DAAM2: variants seen among roughly 807,000 people sequenced by gnomAD.
DAAM2 encodes dishevelled associated activator of morphogenesis 2.
In DAAM2, 39 loss-of-function variants were observed where a neutral mutation model predicts 120.7. That is an observed-to-expected ratio of 0.32 (90% confidence interval 0.25 to 0.42). The LOEUF (loss-of-function observed/expected upper bound fraction) is 0.42, where lower values mean the gene tolerates loss of function less well. Among genes scored for constraint, DAAM2 ranks in the 10% least tolerant of loss-of-function variants. The pLI is 1.00. For missense variants in DAAM2, 1,283 were observed against 1,401.7 expected (o/e 0.92, Z 1.35); for synonymous variants, 488 against 524.9 (o/e 0.93, Z 0.96).
intron 1 of DAAM2, chr6:39,848,483 C>T (rs1763681887): frequency 6.6e-6 from 1 of 152,116 alleles, no homozygotes; most frequent in South Asian, 2.1e-4. Context: ...CTCCCACCCT[C>T]ACCCCCAAGT....
chr6:39,830,606 G>A (rs983470837), intron 1 of DAAM2, among the ~76,000 whole-genome samples: 5 of 152,186 alleles, frequency 3.3e-5, no homozygotes, highest in Non-Finnish European at 5.9e-5. Context: ...TAGCTGGGAA[G>A]CAAGTCCAGG....
At chr6:39,840,035 T>G (rs773377579) in intron 1 of DAAM2, among the ~76,000 whole-genome samples, 8 of 152,184 alleles carry the variant, frequency 5.3e-5, no homozygotes, top group Non-Finnish European at 1.2e-4. Flanking sequence ...GATACCAGCC[T>G]GGGCAACATG....
chr6:39,865,303 C>T (rs1221470501), intron 5 of DAAM2, among the ~76,000 whole-genome samples: 1 of 152,206 alleles, frequency 6.6e-6, no homozygotes, highest in African/African-American at 2.4e-5. Flanking sequence ...CTGAGGAGCT[C>T]TCTAAAGAGG....
intron 1 of DAAM2, among the ~76,000 whole-genome samples, chr6:39,849,918 A>C (rs563785274): frequency 4.7e-4 from 71 of 152,256 alleles, no homozygotes; most frequent in African/African-American, 1.5e-3. Flanking sequence ...TCCCAGCAGC[A>C]CGTGGCACGT....
intron 1 of DAAM2, among the ~76,000 whole-genome samples, chr6:39,833,997 G>A (rs1763012656): frequency 6.6e-6 from 1 of 152,186 alleles, no homozygotes; most frequent in African/African-American, 2.4e-5. Flanking sequence ...AAGTCTTGCA[G>A]CTTGTTAGTG....
intron 1 of DAAM2, among the ~76,000 whole-genome samples, chr6:39,844,546 G>T (rs759056016): frequency 6.6e-6 from 1 of 152,132 alleles, no homozygotes; most frequent in African/African-American, 2.4e-5. Flanking sequence ...TAAATGAGAT[G>T]CATGTGTGGA....
rs1200636963 is a variant in DAAM2, at chr6:39,904,484, A to AGAT, written c.*2448_*2450dup. The AGAT allele has an allele frequency of 8.8e-6, 4 of 454,450 alleles. No individual in the cohort carries two copies. In the Admixed American group the frequency reaches 9.4e-5, roughly 11 times the overall value. 28.2% of individuals were successfully genotyped at this position (454,450 alleles called of 1,614,324 possible). On this transcript the variant is annotated 3_prime_UTR_variant, in exon 25 of 25. Coordinates refer to ENST00000274867, the MANE Select transcript of DAAM2 (RefSeq NM_001201427.2). Reference sequence around the variant, plus strand: ...CCTCCCCACTGCTCCTGCCACCTTTAGATAAGTTTCTCTAGCTAATTTTGT... The same window carrying AGAT: ...CCTCCCCACTGCTCCTGCCACCTTTAGATGATAAGTTTCTCTAGCTAATTTTGT...
rs948620122 is a variant in DAAM2, at chr6:39,873,321, G to A, written c.1128G>A (p.Leu376=). ...AGTACACGGAGGCCTACCCCTGCCT[G>A]CTCTCTGTGCTGCACCACTGCCTGC... The part of the protein sequence containing the change: ...KLKYTEAYPC[L]LSVLHHCLQM... The change falls in exon 10 of 25, where the codon CTG becomes CTA. Residue 376 remains leucine (L), a synonymous_variant. Transcript: ENST00000274867. The A allele has an allele frequency of 3.7e-6, 6 of 1,613,306 alleles. No individual in the cohort carries two copies. Among genetic ancestry groups the A allele is most frequent in the Non-Finnish European group, 5.1e-6 (6 of 1,179,512 alleles).
In DAAM2 at chr6:39,856,288, T is replaced by A; in HGVS notation, c.-15T>A. 1 of 1,489,976 alleles carries A rather than the reference T, an allele frequency of 6.7e-7. No individual in the cohort carries two copies. Among genetic ancestry groups the A allele is most frequent in the Non-Finnish European group, 8.9e-7 (1 of 1,119,238 alleles). The allele number at this position is 1,489,976 out of a possible 1,614,324, so 92.3% of individuals were successfully genotyped here. A position where few individuals can be genotyped will look rare whatever the true frequency, so the allele number is the denominator to read the frequency against. ...AGGGCATCTGTCTGCTGACGCCCCC[T>A]GGCCTGCAGTGACCATGGCCCCCCG... On this transcript the variant is annotated 5_prime_UTR_variant, in exon 2 of 25. Transcript: ENST00000274867.
intron 1 of DAAM2, among the ~76,000 whole-genome samples, chr6:39,842,400 G>A (rs775498846): frequency 2.6e-5 from 4 of 152,186 alleles, no homozygotes; most frequent in Non-Finnish European, 5.9e-5. Flanking sequence ...GGGAGGCCAA[G>A]GCAGGAAGAT....
chr6:39,876,706 G>GGTGTGTGT (rs373953758), intron 11 of DAAM2, among the ~76,000 whole-genome samples: 1 of 149,474 alleles, frequency 6.7e-6, no homozygotes, highest in Non-Finnish European at 1.5e-5. Flanking sequence ...GAATGGGAAG[G>GGTGTGTGT]GTGTGTGTGT....
rs1469735154 is a variant in DAAM2 at position 39,878,852 on chromosome 6, CT to C, written c.1545+265del. ...TGCAGCTGGAATTGGATCCACTTCC[CT>C]CTCTCAGCTGGAGATCTTGTGCAGT... On this transcript the variant is annotated intron_variant, in intron 13 of 24. Transcript: ENST00000274867. This position sits in a 1 kb window ranked among gnomAD's most constrained non-coding sequence, Gnocchi z 5.0. Among the ~76,000 whole-genome samples the C allele has an allele frequency of 6.6e-6, 1 of 152,202 alleles. No homozygotes were observed. Among genetic ancestry groups the C allele is most frequent in the Admixed American group, 6.5e-5 (1 of 15,280 alleles).
Position 39,901,250 on chromosome 6 carries a change from G to A in DAAM2, c.2812-52G>A. On this transcript the variant is annotated intron_variant, in intron 23 of 24. Transcript: ENST00000274867. This position sits in a 1 kb window ranked among gnomAD's most constrained non-coding sequence, Gnocchi z 4.5. ...GAACCCAGCTAACCTCAGGGGCTGA[G>A]CCCAGCATGCTCCAGGGCACTCTCC... The A allele has an allele frequency of 6.4e-7, 1 of 1,556,930 alleles. No homozygotes were observed. The highest frequency in any genetic ancestry group is 8.8e-7 in the Non-Finnish European group (1 of 1,139,432).
intron 10 of DAAM2, 30 bp downstream of exon 10, chr6:39,873,385 G>A (rs201835501): frequency 2.0e-4 from 304 of 1,484,558 alleles, no homozygotes; most frequent in Middle Eastern, 1.0e-3. Flanking sequence ...TGCTTCCCTC[G>A]ACTGGCCTGA....
chr6:39,879,632 G>A (rs763239935), intron 14 of DAAM2, 155 bp downstream of exon 14: 2 of 968,202 alleles, frequency 2.1e-6, no homozygotes, highest in South Asian at 1.4e-5. Context: ...TGGGTTTGCT[G>A]TGCCAGGCAG....
At chr6:39,853,297 A>G (rs1484202181) in intron 1 of DAAM2, among the ~76,000 whole-genome samples, 2 of 152,180 alleles carry the variant, frequency 1.3e-5, no homozygotes, top group African/African-American at 2.4e-5. Flanking sequence ...GCAAGGAAAG[A>G]CTTAGGGTTT....
rs555803832 is a variant in DAAM2, at chr6:39,902,371, T to C, written c.*334T>C. On this transcript the variant is annotated 3_prime_UTR_variant, in exon 25 of 25. Transcript: ENST00000274867. The stretch of plus-strand genomic sequence containing the variant: ...GCACCCATGTGCTGGCACAGAACAG[T>C]TCCAGATCTAGACTGGAGAGGTCCA... The C allele has an allele frequency of 7.4e-5, 16 of 215,380 alleles. No individual in the cohort carries two copies. In the Admixed American group the frequency reaches 9.3e-4, roughly 12 times the overall value. The allele number at this position is 215,380 out of a possible 1,614,324, so 13.3% of individuals were successfully genotyped here.
chr6:39,890,629 G>A (rs1159619168), intron 17 of DAAM2, among the ~76,000 whole-genome samples: 1 of 152,138 alleles, frequency 6.6e-6, no homozygotes, highest in Non-Finnish European at 1.5e-5. Context: ...ACTTTCCTGG[G>A]GGATGGAAAT....
chr6:39,830,033 C>T (rs570413577), intron 1 of DAAM2, among the ~76,000 whole-genome samples: 86 of 152,264 alleles, frequency 5.6e-4, no homozygotes, highest in Non-Finnish European at 1.0e-3. Context: ...GATACTTCTG[C>T]CCACTACCCC....
Sources: allele counts gnomAD v4.1 joint callset (sites outside exome capture counted in the v4.1 genomes callset), GRCh38; gene constraint gnomAD v4.1.1; non-coding constraint Gnocchi (gnomAD v3.1); transcripts MANE v1.5; gene names NCBI Gene and HGNC (gene_info 2026-07-23, HGNC 2026-07-21).